IQCM: variants seen among roughly 807,000 people sequenced by gnomAD.
The protein encoded by IQCM is IQ domain-containing protein M.
Under a neutral mutation model 57.6 loss-of-function variants are expected in IQCM, and 45 were observed. That is an observed-to-expected ratio of 0.78 (90% CI 0.62 to 1.00). The LOEUF is 1.00. Ranked by LOEUF, IQCM falls within the 50% of genes least tolerant of loss-of-function variation. IQCM has a pLI of 0.00. For missense variants in IQCM, 468 were observed against 511.6 expected, an observed-to-expected ratio of 0.91 and a Z score of 0.82; for synonymous variants, 148 against 158.9, an observed-to-expected ratio of 0.93 and a Z score of 0.51.
intron 8 of IQCM, among the ~76,000 whole-genome samples, chr4:149,612,489 A>G (rs908258821): frequency 1.3e-5 from 2 of 152,202 alleles, no homozygotes; most frequent in Admixed American, 1.3e-4. Context: ...TTATTAATAT[A>G]TAAATACATA....
chr4:149,694,064 T>G (rs893403617), intron 5 of IQCM, among the ~76,000 whole-genome samples: 1 of 152,148 alleles, frequency 6.6e-6, no homozygotes, highest in South Asian at 2.1e-4. Context: ...CACTTCCTTA[T>G]AATACCCAGC....
intron 13 of IQCM, among the ~76,000 whole-genome samples, chr4:149,423,632 C>A (rs983996528): frequency 1.3e-5 from 2 of 152,032 alleles, no homozygotes; most frequent in Non-Finnish European, 2.9e-5. Flanking sequence ...GGAGCACTCA[C>A]TGTGTGGTTG....
intron 6 of IQCM, among the ~76,000 whole-genome samples, chr4:149,684,784 C>A (rs1000464267): frequency 6.6e-6 from 1 of 151,346 alleles, no homozygotes; most frequent in African/African-American, 2.4e-5. Flanking sequence ...CCCCTGCATT[C>A]CCATCACACT....
intron 8 of IQCM, among the ~76,000 whole-genome samples, chr4:149,599,771 G>C (rs755794201): frequency 7.9e-5 from 12 of 152,132 alleles, no homozygotes; most frequent in Non-Finnish European, 1.3e-4. Flanking sequence ...AGAATGCCAA[G>C]CAATGAACAG....
intron 13 of IQCM, among the ~76,000 whole-genome samples, chr4:149,399,545 G>C (rs572588789): frequency 6.6e-6 from 1 of 152,142 alleles, no homozygotes; most frequent in Non-Finnish European, 1.5e-5. Flanking sequence ...AAATATAAAA[G>C]ACACTAAAAA....
intron 8 of IQCM, among the ~76,000 whole-genome samples, chr4:149,601,092 T>G (rs1461342204): frequency 6.6e-6 from 1 of 152,146 alleles, no homozygotes; most frequent in East Asian, 1.9e-4. Flanking sequence ...TATAAAAAGC[T>G]CACTTAATGT....
At chr4:149,504,828 G>T (rs764554617) in intron 12 of IQCM, among the ~76,000 whole-genome samples, 2 of 152,064 alleles carry the variant, frequency 1.3e-5, no homozygotes, top group Non-Finnish European at 1.5e-5. Flanking sequence ...CAAAAGAATC[G>T]CTTGAGCCCA....
rs1434122504 is a variant in IQCM at position 149,354,375 on chromosome 4, A to C, written c.1391-2309T>G. Among the ~76,000 whole-genome samples, 68 of 135,088 alleles carry C rather than the reference A, an allele frequency of 5.0e-4. 1 individual carries two copies. Among genetic ancestry groups the C allele is most frequent in the East Asian group, 8.5e-4 (4 of 4,710 alleles). The allele number at this position is 135,088 out of a possible 152,430, so 88.6% of individuals were successfully genotyped here. On this transcript the variant is annotated intron_variant, in intron 13 of 13. Transcript: ENST00000636793. Reference sequence around the variant, plus strand: ...CGAGACTCCGTCTCAAAAAAAAAAAAAAAAAAAAAAAAAACTGACAAATTA... The same window carrying C: ...CGAGACTCCGTCTCAAAAAAAAAAACAAAAAAAAAAAAAACTGACAAATTA...
chr4:149,652,129 G>T (rs1759240692), intron 7 of IQCM, among the ~76,000 whole-genome samples: 1 of 152,134 alleles, frequency 6.6e-6, no homozygotes, highest in Non-Finnish European at 1.5e-5. Flanking sequence ...CCAGGAAAAA[G>T]AATGAGTTCA....
chr4:149,533,548 A>G (rs909913916), intron 12 of IQCM, among the ~76,000 whole-genome samples: 17 of 152,108 alleles, frequency 1.1e-4, no homozygotes, highest in Non-Finnish European at 1.9e-4. Flanking sequence ...TGGGTACATA[A>G]AGAAATAGAA....
chr4:149,412,066 T>TTGTGTG (rs35663253), intron 13 of IQCM, among the ~76,000 whole-genome samples: 13 of 148,730 alleles, frequency 8.7e-5, no homozygotes, highest in African/African-American at 3.0e-4. Context: ...GTGTGTGTGT[T>TTGTGTG]TGTGTGTGTG....
intron 13 of IQCM, among the ~76,000 whole-genome samples, chr4:149,432,855 C>T (rs947799334): frequency 7.9e-5 from 12 of 151,786 alleles, no homozygotes; most frequent in African/African-American, 1.7e-4. Flanking sequence ...ATACAAATAG[C>T]GAATACTTGA....
chr4:149,725,112 A>T (rs1561202444), intron 5 of IQCM, among the ~76,000 whole-genome samples: 1 of 152,174 alleles, frequency 6.6e-6, no homozygotes, highest in Non-Finnish European at 1.5e-5. Context: ...TACAAAGGAT[A>T]TTTGATACTA....
At chr4:149,463,030 C>T (rs905778319) in intron 12 of IQCM, among the ~76,000 whole-genome samples, 1 of 152,092 alleles carries the variant, frequency 6.6e-6, no homozygotes, top group Non-Finnish European at 1.5e-5. Context: ...TTGAAAAGAC[C>T]ATTAGTAAGA....
intron 5 of IQCM, among the ~76,000 whole-genome samples, chr4:149,720,726 G>C (rs992991957): frequency 2.6e-5 from 4 of 152,126 alleles, no homozygotes; most frequent in African/African-American, 9.7e-5. Context: ...AAACCAGGAA[G>C]AAATGAAGAA....
chr4:149,436,915 G>A (rs909477080), intron 12 of IQCM, among the ~76,000 whole-genome samples: 2 of 152,082 alleles, frequency 1.3e-5, no homozygotes, highest in Non-Finnish European at 2.9e-5. Context: ...TACAACAGGT[G>A]TGCAAAGCAG....
intron 8 of IQCM, among the ~76,000 whole-genome samples, chr4:149,603,784 T>C (rs919456680): frequency 2.0e-5 from 3 of 152,014 alleles, no homozygotes; most frequent in African/African-American, 7.2e-5. Context: ...GTTGTCAATA[T>C]AGAAAAAAAA....
chr4:149,572,601 T>A (rs149035465), intron 9 of IQCM, among the ~76,000 whole-genome samples: 514 of 152,174 alleles, frequency 3.4e-3, no homozygotes, highest in Middle Eastern at 6.8e-3. Context: ...ATCTGCATTA[T>A]ATTTCCTAAC....
chr4:149,548,308 T>C, intron 12 of IQCM, 147 bp downstream of exon 12: 1 of 562,330 alleles, frequency 1.8e-6, no homozygotes, highest in Non-Finnish European at 2.6e-6. Flanking sequence ...GCAAAGAAAT[T>C]TGAGGGAAAG....
Sources: gnomAD v4.1 joint callset for allele counts (sites outside exome capture counted in the v4.1 genomes callset) on GRCh38, gnomAD v4.1.1 for gene constraint, MANE v1.5 for transcripts, NCBI Gene and HGNC (gene_info 2026-07-23, HGNC 2026-07-21) for gene names.